LRRC69: variants seen among roughly 807,000 people sequenced by gnomAD.
LRRC69 encodes the protein leucine-rich repeat-containing protein 69.
Under a neutral mutation model 37.8 loss-of-function variants are expected in LRRC69, and 42 were observed. That is an observed-to-expected ratio of 1.11 (90% CI 0.87 to 1.44). The LOEUF is 1.44. LRRC69 is among the 40% of genes most tolerant of loss of function. The probability of loss-of-function intolerance (pLI) is 0.00; values close to 1 mark genes in which losing one functional copy is unlikely to be tolerated. For missense variants in LRRC69, 357 were observed against 401.9 expected (o/e 0.89, Z 0.96); for synonymous variants, 141 against 143.1 (o/e 0.99, Z 0.11).
At chr8:91,112,524 C>G (rs1347759375) in intron 1 of LRRC69, among the ~76,000 whole-genome samples, 1 of 152,010 alleles carries the variant, frequency 6.6e-6, no homozygotes, top group African/African-American at 2.4e-5. Flanking sequence ...AAGCATTTGA[C>G]AAAGTTCAGC....
At chr8:91,206,851 T>A (rs1809814462) in intron 7 of LRRC69, 1 of 1,284,554 alleles carries the variant, frequency 7.8e-7, no homozygotes. Context: ...AACCAAGTAA[T>A]TTTGCCAATT....
At chr8:91,118,387 A>G in intron 1 of LRRC69, 1 of 274,528 alleles carries the variant, frequency 3.6e-6, no homozygotes, top group Non-Finnish European at 6.7e-6. Flanking sequence ...AAAAAAAAAA[A>G]AAAAAAAGCC....
At chr8:91,163,791 A>C (rs1009923633) in intron 5 of LRRC69, among the ~76,000 whole-genome samples, 3 of 150,462 alleles carry the variant, frequency 2.0e-5, no homozygotes, top group African/African-American at 7.3e-5. Flanking sequence ...TTAGAAAAAA[A>C]TTAAAAGATT....
intron 1 of LRRC69, among the ~76,000 whole-genome samples, chr8:91,113,209 A>G (rs2130483572): frequency 6.6e-6 from 1 of 152,154 alleles, no homozygotes; most frequent in Non-Finnish European, 1.5e-5. Context: ...AAAATAGAAA[A>G]AACAATTTTA....
At chr8:91,211,597 T>A (rs1809920943) in intron 7 of LRRC69, among the ~76,000 whole-genome samples, 1 of 132,020 alleles carries the variant, frequency 7.6e-6, no homozygotes, top group East Asian at 2.1e-4. Context: ...ATTATACAAA[T>A]ATATATATAT....
chr8:91,142,755 C>G (rs1211471376), intron 5 of LRRC69, among the ~76,000 whole-genome samples: 1 of 152,008 alleles, frequency 6.6e-6, no homozygotes, highest in Non-Finnish European at 1.5e-5. Context: ...TGAACTTGCA[C>G]TCAAGACTTT....
exon 7 of LRRC69, chr8:91,200,742 T>C (rs1325996974): frequency 1.3e-6 from 2 of 1,536,786 alleles, no homozygotes; most frequent in African/African-American, 1.4e-5. Flanking sequence ...ATGTGGACAG[T>C]ACTTTATAAC....
intron 3 of LRRC69, among the ~76,000 whole-genome samples, chr8:91,127,515 G>C (rs974838115): frequency 4.3e-5 from 6 of 138,456 alleles, no homozygotes; most frequent in South Asian, 2.4e-4. Context: ...TTTTGAGCTT[G>C]ATGGAAAAGG....
chr8:91,206,106 G>A lies in LRRC69; in HGVS notation c.933+5314G>A, dbSNP rs1042108085. On this transcript the variant is annotated intron_variant, in intron 7 of 7. Coordinates refer to ENST00000448384, the Ensembl canonical transcript of LRRC69. ...TTCACCTTTATAGAGAGAGAGCTTCGGACAATACCTGATAAAATTTTATTT... is the reference window on the plus strand; with the variant it reads ...TTCACCTTTATAGAGAGAGAGCTTCAGACAATACCTGATAAAATTTTATTT... Among the ~76,000 whole-genome samples the A allele has an allele frequency of 6.6e-5, 10 of 152,178 alleles. 1 individual carries two copies. The South Asian group carries it at 1.7e-3, about 25-fold the overall frequency.
chr8:91,182,081 G>A (rs1309936582), intron 5 of LRRC69, among the ~76,000 whole-genome samples: 1 of 152,024 alleles, frequency 6.6e-6, no homozygotes, highest in Non-Finnish European at 1.5e-5. Context: ...ATGAAGAAAG[G>A]GTTTTCTAGT....
intron 1 of LRRC69, among the ~76,000 whole-genome samples, chr8:91,119,499 T>C (rs1220463290): frequency 6.6e-6 from 1 of 152,064 alleles, no homozygotes; most frequent in Admixed American, 6.6e-5. Flanking sequence ...CATTCTTGGT[T>C]GCAGAGCTCA....
chr8:91,121,080 T>G (rs1295840093), intron 1 of LRRC69, among the ~76,000 whole-genome samples: 1 of 151,992 alleles, frequency 6.6e-6, no homozygotes, highest in Non-Finnish European at 1.5e-5. Flanking sequence ...CTTCTATTTA[T>G]CTTACATCAT....
intron 5 of LRRC69, among the ~76,000 whole-genome samples, chr8:91,140,435 G>A (rs905437657): frequency 1.3e-5 from 2 of 151,762 alleles, no homozygotes; most frequent in African/African-American, 4.8e-5. Flanking sequence ...AAGTAAATAA[G>A]TATAGAAAGA....
chr8:91,205,415 TCACATCACCTGATGTCAGGTATTTA>T (rs1250225181), intron 7 of LRRC69: 3 of 152,240 alleles, frequency 2.0e-5, no homozygotes, highest in Non-Finnish European at 2.9e-5. Context: ...TCATCAGAGT[TCACATCACCTGATGTCAGGTATTTA>T]CACATCACCT....
At chr8:91,124,439 T>C (rs1813683846) in intron 1 of LRRC69, 54 bp from the exon 2 acceptor site, 2 of 1,387,076 alleles carry the variant, frequency 1.4e-6, no homozygotes, top group Non-Finnish European at 1.9e-6. Context: ...TATTTCTTTT[T>C]TTCATTTGAA....
chr8:91,107,644 A>G (rs1813340736), intron 1 of LRRC69, among the ~76,000 whole-genome samples: 1 of 152,040 alleles, frequency 6.6e-6, no homozygotes, highest in South Asian at 2.1e-4. Flanking sequence ...TGATATGACT[A>G]GCAACAATGA....
At chr8:91,125,009 T>A (rs1295982590) in intron 2 of LRRC69, among the ~76,000 whole-genome samples, 1 of 151,902 alleles carries the variant, frequency 6.6e-6, no homozygotes, top group Admixed American at 6.6e-5. Flanking sequence ...TCACACTTTT[T>A]GATCAAGATG....
chr8:91,180,518 T>A (rs1809306467), intron 5 of LRRC69, among the ~76,000 whole-genome samples: 1 of 152,192 alleles, frequency 6.6e-6, no homozygotes, highest in South Asian at 2.1e-4. Flanking sequence ...TAGAAGTGAG[T>A]CACTAAGTCC....
chr8:91,211,614 A>T (rs62526739), intron 7 of LRRC69, among the ~76,000 whole-genome samples: 7,158 of 140,516 alleles, frequency 0.051, 193 homozygotes, highest in African/African-American at 0.073. Flanking sequence ...ATATATATAT[A>T]TATTTTTTTT....
Sources: allele counts gnomAD v4.1 joint callset (sites outside exome capture counted in the v4.1 genomes callset), GRCh38; gene constraint gnomAD v4.1.1; transcripts MANE v1.5; gene names NCBI Gene and HGNC (gene_info 2026-07-23, HGNC 2026-07-21).